DNAH6: variants seen among roughly 807,000 people sequenced by gnomAD.
DNAH6 encodes dynein axonemal heavy chain 6.
Under a neutral mutation model 491.4 loss-of-function variants are expected in DNAH6, and 340 were observed. The observed-to-expected ratio is 0.69, with a 90% CI of 0.63 to 0.76. The LOEUF is 0.76. Among genes scored for constraint, DNAH6 ranks in the 30% least tolerant of loss-of-function variants. DNAH6 has a pLI of 0.00. For missense variants in DNAH6, 4,443 were observed against 4,972.2 expected (o/e 0.89, Z 3.20); for synonymous variants, 1,603 against 1,686.1 (o/e 0.95, Z 1.21).
At chr2:84,719,789 G>T (rs1197624806) in intron 59 of DNAH6, among the ~76,000 whole-genome samples, 3 of 151,740 alleles carry the variant, frequency 2.0e-5, no homozygotes, top group African/African-American at 4.9e-5. Flanking sequence ...CTCCCAAAGT[G>T]TCGGAATTAC....
chr2:84,661,292 C>G (rs1691482159), intron 37 of DNAH6, among the ~76,000 whole-genome samples: 1 of 151,982 alleles, frequency 6.6e-6, no homozygotes, highest in Non-Finnish European at 1.5e-5. Flanking sequence ...GAAATATCCT[C>G]TATTACAACT....
In DNAH6 at chr2:84,529,176, T is replaced by G. The variant is rs569300923; in HGVS notation, c.662+10T>G. 4.8e-5 allele frequency: 73 copies of G among 1,514,994 alleles called. 1 individual carries two copies. The South Asian group carries it at 6.7e-4, about 14-fold the overall frequency. The allele number at this position is 1,514,994 out of a possible 1,614,324, so 93.8% of individuals were successfully genotyped here. On this transcript the variant is annotated intron_variant, in intron 4 of 76. Coordinates refer to ENST00000389394, the MANE Select transcript of DNAH6 (RefSeq NM_001370.2). ...ATACATATAATCTAAAGTGAGTTAT[T>G]TTTTATGATGCAATTTAACATAAAA...
intron 22 of DNAH6, among the ~76,000 whole-genome samples, 173 bp downstream of exon 22, chr2:84,612,027 C>T (rs1031020231): frequency 1.3e-5 from 2 of 152,050 alleles, no homozygotes; most frequent in Admixed American, 1.3e-4. Flanking sequence ...ACTTGCTAAG[C>T]AATGTCAACG....
chr2:84,709,512 G>A lies in DNAH6; in HGVS notation c.9218G>A (p.Arg3073Lys), dbSNP rs2104866609. Residue 3073 changes from arginine to lysine, a missense_variant, in exon 55 of 77, where the codon AGA (arginine) becomes AAA (lysine). Transcript: ENST00000389394. ...AATGGCATTTTGGTTACTCAAGGCA[G>A]AAGATGGCCTTTGATGATTGATCCC... ...TENGILVTQG[R>K]RWPLMIDPQD... 6.4e-7 allele frequency: 1 copy of A among 1,551,754 alleles called. No homozygotes were observed. The highest frequency in any genetic ancestry group is 2.0e-5 in the Admixed American group (1 of 50,982).
chr2:84,684,563 A>G (rs1177654404), intron 42 of DNAH6, among the ~76,000 whole-genome samples: 3 of 152,226 alleles, frequency 2.0e-5, no homozygotes, highest in Non-Finnish European at 4.4e-5. Flanking sequence ...TGTGAGATGC[A>G]AAAAACAGGT....
intron 29 of DNAH6, among the ~76,000 whole-genome samples, chr2:84,625,817 G>A (rs1291736919): frequency 6.6e-6 from 1 of 152,120 alleles, no homozygotes; most frequent in African/African-American, 2.4e-5. Flanking sequence ...TCTACATTCA[G>A]TCTGTTGGGA....
At chr2:84,596,335 G>A (rs576130840) in intron 18 of DNAH6, among the ~76,000 whole-genome samples, 1 of 152,088 alleles carries the variant, frequency 6.6e-6, no homozygotes, top group African/African-American at 2.4e-5. Context: ...TTGTTGTTTT[G>A]TTTGTTTGTT....
Position 84,705,564 on chromosome 2 carries a change from C to T in DNAH6, c.8544C>T (p.Asn2848=). 1 of 1,551,538 alleles carries T rather than the reference C, an allele frequency of 6.4e-7. No individual in the cohort carries two copies. The highest frequency in any genetic ancestry group is 1.2e-5 in the South Asian group (1 of 84,062). Reference sequence around the variant, plus strand: ...GGCTTTTAGAATATGATAAGGAGAACATAAAGCCTCAGATATTGGCAAAGC... The same window carrying T: ...GGCTTTTAGAATATGATAAGGAGAATATAAAGCCTCAGATATTGGCAAAGC... ...LKRLLEYDKE[N]IKPQILAKLQ... Residue 2848 remains asparagine, a synonymous_variant, in exon 52 of 77, where the codon AAC becomes AAT. Transcript: ENST00000389394.
At chr2:84,491,504 TG>T in the DNAH6 span, among the ~76,000 whole-genome samples, 2 of 152,212 alleles carry the variant, frequency 1.3e-5, no homozygotes, top group African/African-American at 4.8e-5. Context: ...GATCCAGTCC[TG>T]GCCAATGAGA....
chr2:84,591,534 C>T (rs1161915769), intron 16 of DNAH6, among the ~76,000 whole-genome samples: 5 of 152,056 alleles, frequency 3.3e-5, no homozygotes, highest in African/African-American at 1.2e-4. Flanking sequence ...CTGTACTACC[C>T]AAAGTGACTT....
chr2:84,651,837 A>G (rs1690479415), intron 33 of DNAH6, among the ~76,000 whole-genome samples: 1 of 152,154 alleles, frequency 6.6e-6, no homozygotes, highest in African/African-American at 2.4e-5. Context: ...TGGAGAAATA[A>G]GTTGGTTGAC....
At chr2:84,633,851 G>A (rs1000978118) in intron 29 of DNAH6, among the ~76,000 whole-genome samples, 1 of 152,072 alleles carries the variant, frequency 6.6e-6, no homozygotes, top group African/African-American at 2.4e-5. Flanking sequence ...AGGAAGGGGG[G>A]AAGTAGTATG....
intron 21 of DNAH6, among the ~76,000 whole-genome samples, chr2:84,607,817 GT>G: frequency 6.6e-6 from 1 of 152,240 alleles, no homozygotes; most frequent in Middle Eastern, 3.4e-3. Context: ...TGGGGGTGCT[GT>G]GGCAATTTCC....
At position 84,653,618 on chromosome 2, in the gene DNAH6, C is replaced by G; in HGVS notation, c.5378C>G (p.Pro1793Arg). 1 of 1,551,252 alleles carries G rather than the reference C, an allele frequency of 6.4e-7. No individual in the cohort carries two copies. The highest frequency in any genetic ancestry group is 8.7e-7 in the Non-Finnish European group (1 of 1,146,702). ...GCAGTTAAAACATATGTTCTCAACC[C>G]TAAATCAATTACCATGGGTGAATTA... ...YQAVKTYVLN[P>R]KSITMGELYG... The change falls in exon 34 of 77, where the codon CCT (proline) becomes CGT (arginine). Residue 1793 changes from proline to arginine, a missense_variant. By Grantham distance (103) the Pro-to-Arg change is moderately radical (BLOSUM62 -2). Transcript: ENST00000389394.
At chr2:84,668,476 G>A (rs1692389721) in intron 37 of DNAH6, among the ~76,000 whole-genome samples, 2 of 152,136 alleles carry the variant, frequency 1.3e-5, no homozygotes, top group South Asian at 2.1e-4. Flanking sequence ...TTACCTACCT[G>A]CTTAGAATCC....
the DNAH6 span, among the ~76,000 whole-genome samples, chr2:84,477,696 T>C: frequency 6.6e-6 from 1 of 152,152 alleles, no homozygotes; most frequent in Non-Finnish European, 1.5e-5. Context: ...CCTGAAGCAA[T>C]GGACCAAGAA....
rs1419091136 is a variant in DNAH6, at chr2:84,699,517, G to GT, written c.7678-77_7678-76insT. On this transcript the variant is annotated intron_variant, in intron 47 of 76. Transcript: ENST00000389394. ...TTTATATTTGATATTGGGAGCCTCAGATGCATTAGCCAACACTTATTTTCA... is the reference window on the plus strand; with the variant it reads ...TTTATATTTGATATTGGGAGCCTCAGTATGCATTAGCCAACACTTATTTTCA... 3 of 1,282,934 alleles carry GT rather than the reference G, an allele frequency of 2.3e-6. No homozygotes were observed. The East Asian group carries it at 7.6e-5, about 33-fold the overall frequency. The allele number at this position is 1,282,934 out of a possible 1,614,324, so 79.5% of individuals were successfully genotyped here.
At chr2:84,807,537 G>A (rs1679534320) in intron 71 of DNAH6, among the ~76,000 whole-genome samples, 1 of 152,176 alleles carries the variant, frequency 6.6e-6, no homozygotes, top group Admixed American at 6.5e-5. Context: ...TCTCTCTCCT[G>A]TCTCAGTCTC....
At chr2:84,667,933 T>C (rs1192514370) in intron 37 of DNAH6, among the ~76,000 whole-genome samples, 3 of 152,216 alleles carry the variant, frequency 2.0e-5, no homozygotes, top group Non-Finnish European at 2.9e-5. Flanking sequence ...GTTCATGTCC[T>C]TTGTAGGGAC....
Sources: gnomAD v4.1 joint callset for allele counts (sites outside exome capture counted in the v4.1 genomes callset) on GRCh38, gnomAD v4.1.1 for gene constraint, MANE v1.5 for transcripts, NCBI Gene and HGNC (gene_info 2026-07-23, HGNC 2026-07-21) for gene names.